Variants in STAB1 observed in about 807,000 individuals in gnomAD.
STAB1 encodes stabilin 1.
In STAB1, 250 loss-of-function variants were observed where a neutral mutation model predicts 332.4. The observed-to-expected ratio is 0.75, with a 90% CI of 0.68 to 0.84. The LOEUF is 0.84. Among genes scored for constraint, STAB1 ranks in the 40% least tolerant of loss-of-function variants. STAB1 has a pLI of 0.00. For missense variants in STAB1, 3,249 were observed against 3,489.7 expected, an observed-to-expected ratio of 0.93 and a Z score of 1.74; for synonymous variants, 1,475 against 1,390.4, an observed-to-expected ratio of 1.06 and a Z score of -1.35.
In STAB1 at chr3:52,509,900, A is replaced by G. The variant is rs1709167213; in HGVS notation, c.2378A>G (p.Asn793Ser). 6.2e-7 allele frequency: 1 copy of G among 1,612,932 alleles called. No individual in the cohort carries two copies. ...DCGCVHGLCD[N>S]RPGSGGVCQQ... The stretch of plus-strand genomic sequence containing the variant: ...GGCTGTGTCCATGGTCTCTGCGACA[A>G]CCGCCCAGGCAGTGGGGGGGTGTGC... The change falls in exon 23 of 69, where the codon AAC (asparagine) becomes AGC (serine). Residue 793 changes from asparagine (N) to serine (S), a missense_variant. By Grantham distance (46) the Asn-to-Ser change is conservative (BLOSUM62 1). Coordinates refer to ENST00000321725, the MANE Select transcript of STAB1 (RefSeq NM_015136.3).
chr3:52,519,211 A>G, intron 48 of STAB1, 53 bp from the exon 49 acceptor site: 1 of 1,579,132 alleles, frequency 6.3e-7, no homozygotes, highest in East Asian at 2.3e-5. Context: ...AGGCCCCGAT[A>G]GCTTCCGAGC....
At position 52,516,256 on chromosome 3, in the gene STAB1, G is replaced by A; in HGVS notation, c.4144+18G>A. On this transcript the variant is annotated intron_variant, in intron 38 of 68. Coordinates refer to ENST00000321725, the MANE Select transcript of STAB1 (RefSeq NM_015136.3). Reference sequence around the variant, plus strand: ...CACCGGAGGTGAGGACTGGGGAGGGGCGGGGGTGGGCCTCCTGGCAGCAGA... The same window carrying A: ...CACCGGAGGTGAGGACTGGGGAGGGACGGGGGTGGGCCTCCTGGCAGCAGA... 1 of 1,599,258 alleles carries A rather than the reference G, an allele frequency of 6.3e-7. No homozygotes were observed. Among genetic ancestry groups the A allele is most frequent in the Non-Finnish European group, 8.5e-7 (1 of 1,169,858 alleles).
chr3:52,519,672 C>G (rs895432922), intron 50 of STAB1, 108 bp downstream of exon 50: 2 of 1,470,172 alleles, frequency 1.4e-6, no homozygotes, highest in Admixed American at 3.8e-5. Context: ...GCACACTGTC[C>G]CGTGTGAGCC....
intron 46 of STAB1, 58 bp downstream of exon 46, chr3:52,518,417 G>T: frequency 6.9e-6 from 11 of 1,591,944 alleles, no homozygotes; most frequent in Non-Finnish European, 9.4e-6. Context: ...CTGGACTTCT[G>T]TCCCCATCTG....
Position 52,520,538 on chromosome 3 carries a change from C to G in STAB1, c.5638C>G (p.Pro1880Ala). The change falls in exon 53 of 69, where the codon CCC (proline) becomes GCC (alanine). Residue 1880 changes from proline to alanine, a missense_variant. Coordinates refer to ENST00000321725, the MANE Select transcript of STAB1 (RefSeq NM_015136.3). ...GARCDHFETRPLRLNTCSICG... is the reference protein window; with the variant it reads ...GARCDHFETRALRLNTCSICG... ...TCGCTGTGACCACTTTGAGACCCGG[C>G]CCCTGCGACTGGTGAGGGAGGCCAG... is the stretch of plus-strand genomic sequence containing the variant. 6.2e-7 allele frequency: 1 copy of G among 1,611,452 alleles called. No individual in the cohort carries two copies. The highest frequency in any genetic ancestry group is 8.5e-7 in the Non-Finnish European group (1 of 1,178,968).
Position 52,519,573 on chromosome 3 carries a change from C to T in STAB1, c.5235+9C>T, listed in dbSNP as rs763286058. ...TCAGCGGCCTCCTGAAGGTACTGCT[C>T]CCGTGTGGGCCTGTCATTGTGGACA... On this transcript the variant is annotated intron_variant, in intron 50 of 68. Coordinates refer to ENST00000321725, the MANE Select transcript of STAB1 (RefSeq NM_015136.3). 11 of 1,612,476 alleles carry T rather than the reference C, an allele frequency of 6.8e-6. 2 individuals carry two copies. The South Asian group carries it at 1.2e-4, about 18-fold the overall frequency.
intron 16 of STAB1, 31 bp downstream of exon 16, chr3:52,505,967 C>T: frequency 6.2e-7 from 1 of 1,612,516 alleles, no homozygotes; most frequent in East Asian, 2.2e-5. Flanking sequence ...GGGCGGCCAG[C>T]TTGTACCCGG....
In STAB1 at chr3:52,517,726, A is replaced by G. The variant is rs1246076159; in HGVS notation, c.4638+102A>G. On this transcript the variant is annotated intron_variant, in intron 44 of 68. Coordinates refer to ENST00000321725, the MANE Select transcript of STAB1 (RefSeq NM_015136.3). The stretch of plus-strand genomic sequence containing the variant: ...CCAGCAGGGTCCTAAGGGCCTCTGC[A>G]GGGTGGGCTATCCTCCCGTCAAGCT... 8 of 1,546,402 alleles carry G rather than the reference A, an allele frequency of 5.2e-6. No individual in the cohort carries two copies. The East Asian group carries it at 1.8e-4, about 36-fold the overall frequency.
chr3:52,517,671 G>T, intron 44 of STAB1, 47 bp downstream of exon 44: 1 of 1,601,238 alleles, frequency 6.2e-7, no homozygotes, highest in South Asian at 1.1e-5. Flanking sequence ...AAGGAGAGGG[G>T]ACTGAGGCAG....
Position 52,502,790 on chromosome 3 carries a change from G to A in STAB1, c.583+63G>A, listed in dbSNP as rs1394568911. The A allele has an allele frequency of 7.8e-6, 12 of 1,538,878 alleles. No homozygotes were observed. In the East Asian group the frequency reaches 9.2e-5, roughly 12 times the overall value. ...CCCTGTGGCCAGAGCAAAAGAGGCC[G>A]ACTGGGTGAGGATGGGGCCTGAGCC... On this transcript the variant is annotated intron_variant, in intron 6 of 68. Coordinates refer to ENST00000321725, the MANE Select transcript of STAB1 (RefSeq NM_015136.3).
At chr3:52,502,317 C>T in intron 5 of STAB1, 89 bp downstream of exon 5, 1 of 1,404,352 alleles carries the variant, frequency 7.1e-7, no homozygotes, top group Non-Finnish European at 9.8e-7. Flanking sequence ...CCACCTGTCC[C>T]TTCAGCCTCT....
intron 1 of STAB1, among the ~76,000 whole-genome samples, chr3:52,499,898 CAAAAAAAAAAA>C (rs4045133): frequency 2.7e-5 from 1 of 37,042 alleles, no homozygotes; most frequent in Admixed American, 4.6e-4. Context: ...GACTCCATCT[CAAAAAAAAAAA>C]AAAAAAAAAA....
chr3:52,509,492 G>A (rs942868977), intron 22 of STAB1, 171 bp downstream of exon 22: 17 of 613,908 alleles, frequency 2.8e-5, no homozygotes, highest in East Asian at 2.2e-4. Flanking sequence ...GAAGGGAAAC[G>A]AAGCCCCAGG....
In STAB1 at chr3:52,514,743, G is replaced by T; in HGVS notation, c.3721G>T (p.Ala1241Ser). 4 of 1,613,066 alleles carry T rather than the reference G, an allele frequency of 2.5e-6. 1 individual carries two copies. Among genetic ancestry groups the T allele is most frequent in the South Asian group, 2.2e-5 (2 of 91,074 alleles). Reference sequence around the variant, plus strand: ...GCCACTGGAAGGCCCCATGCTGGAGGCCCCTGGCCGCTCGCTGATTGGTCT... The same window carrying T: ...GCCACTGGAAGGCCCCATGCTGGAGTCCCCTGGCCGCTCGCTGATTGGTCT... ...HVPLEGPMLE[A>S]PGRSLIGLSG... is the part of the protein sequence containing the mutation. The change falls in exon 35 of 69, where the codon GCC (alanine) becomes TCC (serine). Residue 1241 changes from alanine (A) to serine (S), a missense_variant. Ala to Ser is a moderately conservative substitution (Grantham distance 99). Coordinates refer to ENST00000321725, the MANE Select transcript of STAB1 (RefSeq NM_015136.3).
intron 50 of STAB1, 132 bp from the exon 51 acceptor site, chr3:52,519,812 C>A: frequency 7.9e-7 from 1 of 1,258,592 alleles, no homozygotes; most frequent in Non-Finnish European, 1.1e-6. Flanking sequence ...CACACACATG[C>A]CTGCCTGGGA....
chr3:52,506,826 C>T lies in STAB1; in HGVS notation c.1965C>T (p.Ser655=), dbSNP rs142156085. 4.5e-3 allele frequency: 7,254 copies of T among 1,613,100 alleles called. 35 individuals are homozygous for T. The highest frequency in any genetic ancestry group is 0.013 in the Middle Eastern group (80 of 6,062). ...TILPILPKHC[S]EEQHKIVAGS... is the part of the protein sequence containing the mutation. ...TGCCCATCCTGCCCAAGCACTGCAG[C>T]GAGGAGCAGCACAAGATTGTGGCGG... Residue 655 remains serine (S), a synonymous_variant, in exon 18 of 69, where the codon AGC becomes AGT. Transcript: ENST00000321725.
At position 52,517,957 on chromosome 3, in the gene STAB1, C is replaced by T. The variant is rs77803411; in HGVS notation, c.4715C>T (p.Ala1572Val). Residue 1572 changes from alanine to valine, a missense_variant, in exon 45 of 69, where the codon GCC becomes GTC. Ala to Val is a moderately conservative substitution (Grantham distance 64). Transcript: ENST00000321725. Reference sequence around the variant, plus strand: ...CAGAGGACATGTACCTGCGACACAGCCCACACCGTGGGGGACGGCCTCACC... The same window carrying T: ...CAGAGGACATGTACCTGCGACACAGTCCACACCGTGGGGGACGGCCTCACC... The part of the protein sequence containing the change: ...DGQRTCTCDT[A>V]HTVGDGLTCR... 6,816 of 1,609,722 alleles carry T rather than the reference C, an allele frequency of 4.2e-3. 218 individuals carry two copies. In the East Asian group the frequency reaches 0.076, roughly 18 times the overall value.
rs745612141 is a variant in STAB1, at chr3:52,502,199, C to T, written c.458C>T (p.Pro153Leu). The change falls in exon 5 of 69, where the codon CCC (proline) becomes CTC (leucine). Residue 153 changes from proline to leucine, a missense_variant. Coordinates refer to ENST00000321725, the MANE Select transcript of STAB1 (RefSeq NM_015136.3). ...TCAGCCTGCCAGGAGTGCCAAGACC[C>T]CAACCGGTTCGGGCCTGACTGCCAA... ...RGSACQECQDPNRFGPDCQSV... is the reference protein window; with the variant it reads ...RGSACQECQDLNRFGPDCQSV... 8.1e-6 allele frequency: 13 copies of T among 1,613,108 alleles called. No individual in the cohort carries two copies. Among genetic ancestry groups the T allele is most frequent in the South Asian group, 1.1e-5 (1 of 91,068 alleles).
chr3:52,503,788 G>T lies in STAB1; in HGVS notation c.908G>T (p.Arg303Leu), dbSNP rs551634878. ...GGGGGCCAGGCCTTCTGCACCTGCC[G>T]GCCAGGCCTGGTCAGCATCAACAGC... Reference protein sequence around the residue: ...QKPGQAFCTCRPGLVSINSNA... With the variant: ...QKPGQAFCTCLPGLVSINSNA... The change falls in exon 9 of 69, where the codon CGG becomes CTG. Residue 303 changes from arginine to leucine, a missense_variant. Transcript: ENST00000321725. 5.0e-6 allele frequency: 8 copies of T among 1,613,132 alleles called. No individual in the cohort carries two copies. In the East Asian group the frequency reaches 1.3e-4, roughly 27 times the overall value.
Sources: gnomAD v4.1 joint callset for allele counts (sites outside exome capture counted in the v4.1 genomes callset) on GRCh38, gnomAD v4.1.1 for gene constraint, MANE v1.5 for transcripts, NCBI Gene and HGNC (gene_info 2026-07-23, HGNC 2026-07-21) for gene names.